ZFHX3: variants seen among roughly 807,000 people sequenced by gnomAD.
ZFHX3 encodes the protein zinc finger homeobox 3.
A neutral mutation model predicts 279.1 loss-of-function variants in ZFHX3; 42 were observed. That is an observed-to-expected ratio of 0.15 (90% confidence interval 0.12 to 0.19). The LOEUF (loss-of-function observed/expected upper bound fraction) is 0.19. Ranked by LOEUF, ZFHX3 falls within the 10% of genes least tolerant of loss-of-function variation. ZFHX3 has a pLI of 1.00. For missense variants in ZFHX3, 4,981 were observed against 4,754.0 expected (o/e 1.05, Z -1.40); for synonymous variants, 2,293 against 1,957.8 (o/e 1.17, Z -4.52).
At chr16:73,178,686 C>T (rs1383943145) in intron 5 of ZFHX3, among the ~76,000 whole-genome samples, 2 of 152,182 alleles carry the variant, frequency 1.3e-5, no homozygotes, top group East Asian at 3.9e-4. Flanking sequence ...CCAGGTCTCA[C>T]TATGTTGCCC....
chr16:73,239,142 T>C (rs1479935044), intron 5 of ZFHX3, among the ~76,000 whole-genome samples: 1 of 152,220 alleles, frequency 6.6e-6, no homozygotes, highest in African/African-American at 2.4e-5. Flanking sequence ...ACTATTTTTA[T>C]TCCAAGTATC....
At chr16:72,864,832 G>C (rs2037974078) in intron 4 of ZFHX3, among the ~76,000 whole-genome samples, 2 of 152,218 alleles carry the variant, frequency 1.3e-5, no homozygotes, top group African/African-American at 4.8e-5. Context: ...AGATGTTAGA[G>C]TTTTGAAGAT....
At chr16:73,452,613 G>A (rs2018296397) in intron 3 of ZFHX3, among the ~76,000 whole-genome samples, 1 of 152,162 alleles carries the variant, frequency 6.6e-6, no homozygotes, top group African/African-American at 2.4e-5. Context: ...AGAATTTCTT[G>A]CAAATGGTGA....
At chr16:73,673,275 C>T (rs1056226753) in intron 2 of ZFHX3, among the ~76,000 whole-genome samples, 2 of 152,080 alleles carry the variant, frequency 1.3e-5, no homozygotes, top group African/African-American at 4.8e-5. Flanking sequence ...AATTTTCCTA[C>T]TTTTAAGCTG....
chr16:73,294,825 C>A (rs1292237466), intron 4 of ZFHX3, among the ~76,000 whole-genome samples: 4 of 144,222 alleles, frequency 2.8e-5, no homozygotes, highest in African/African-American at 7.8e-5. Flanking sequence ...AAAAAAAAAA[C>A]CAAAAAACAA....
intron 6 of ZFHX3, chr16:73,143,679 G>A (rs903993148): frequency 2.6e-4 from 292 of 1,121,574 alleles, no homozygotes; most frequent in Middle Eastern, 4.6e-4. Context: ...TGGCTGGTTA[G>A]TCTTTTTTGA....
At chr16:73,625,832 CT>C (rs1357025722) in intron 2 of ZFHX3, among the ~76,000 whole-genome samples, 1 of 152,136 alleles carries the variant, frequency 6.6e-6, no homozygotes, top group Non-Finnish European at 1.5e-5. Context: ...TGCCTGTCCT[CT>C]GTGAAATAAA....
intron 1 of ZFHX3, among the ~76,000 whole-genome samples, chr16:73,018,068 C>G (rs1023848107): frequency 6.6e-6 from 1 of 151,896 alleles, no homozygotes; most frequent in Non-Finnish European, 1.5e-5. Context: ...TCACTGCAGC[C>G]TCAATTTCCC....
chr16:73,697,661 G>A (rs1273438983), intron 1 of ZFHX3, among the ~76,000 whole-genome samples: 1 of 152,058 alleles, frequency 6.6e-6, no homozygotes, highest in Non-Finnish European at 1.5e-5. Flanking sequence ...TCCTGACCTG[G>A]ATATGTGCTA....
intron 8 of ZFHX3, among the ~76,000 whole-genome samples, chr16:73,073,685 G>A (rs1431476572): frequency 6.6e-6 from 1 of 152,092 alleles, no homozygotes; most frequent in African/African-American, 2.4e-5. Flanking sequence ...TTTTAGTAAA[G>A]ACAGGGTTTC....
chr16:73,228,817 C>T (rs575725178), intron 5 of ZFHX3, among the ~76,000 whole-genome samples: 1 of 152,238 alleles, frequency 6.6e-6, no homozygotes, highest in African/African-American at 2.4e-5. Context: ...TCTCATTTCT[C>T]ATGACAATGG....
chr16:73,651,538 A>G (rs2052670135), intron 2 of ZFHX3, among the ~76,000 whole-genome samples: 1 of 151,906 alleles, frequency 6.6e-6, no homozygotes, highest in Non-Finnish European at 1.5e-5. Context: ...GAACAGTAAT[A>G]ATATAATAAA....
chr16:73,202,844 C>G (rs1362040845), intron 5 of ZFHX3, among the ~76,000 whole-genome samples: 2 of 151,940 alleles, frequency 1.3e-5, no homozygotes, highest in Non-Finnish European at 2.9e-5. Context: ...GTGCTTTTAT[C>G]CCCAGCCCTC....
chr16:73,056,897 A>T (rs982574309), intron 1 of ZFHX3, among the ~76,000 whole-genome samples: 22 of 152,244 alleles, frequency 1.4e-4, no homozygotes, highest in Admixed American at 9.8e-4. Context: ...GTAATTTTTT[A>T]AAAAACATAA....
In ZFHX3 at chr16:72,796,442, C is replaced by A. The variant is rs775774723; in HGVS notation, c.6240G>T (p.Gln2080His). ...AGAGCTGGGTGAGCGGCACTGATGG[C>A]TGGGCCGGTGCAATTGTAGGTGAGG... ...PITSPTIAPAQPSVPLTQLSM... is the reference protein window; with the variant it reads ...PITSPTIAPAHPSVPLTQLSM... The change falls in exon 9 of 10, where the codon CAG becomes CAT. Residue 2080 changes from glutamine (Q) to histidine (H), a missense_variant. This residue lies in a region of ZFHX3 where 1,751 missense variants were observed against 1,770.0 expected (regional missense o/e 0.99). Coordinates refer to ENST00000268489, the MANE Select transcript of ZFHX3 (RefSeq NM_006885.4). The A allele has an allele frequency of 6.2e-7, 1 of 1,608,288 alleles. No individual in the cohort carries two copies. The highest frequency in any genetic ancestry group is 8.5e-7 in the Non-Finnish European group (1 of 1,179,390).
Position 73,128,746 on chromosome 16 carries a change from C to T in ZFHX3, c.-897+2222G>A, listed in dbSNP as rs370394980. ...TGATCCTGTCTGAAACATCCTTCTCCGCTTGTTCCCCAAATCCTGGTTGTT... is the reference window on the plus strand; with the variant it reads ...TGATCCTGTCTGAAACATCCTTCTCTGCTTGTTCCCCAAATCCTGGTTGTT... On this transcript the variant is annotated intron_variant, in intron 7 of 17. Coordinates refer to the ZFHX3 transcript ENST00000641206. Among the ~76,000 whole-genome samples, 11 of 152,286 alleles carry T rather than the reference C, an allele frequency of 7.2e-5. No homozygotes were observed. In the South Asian group the frequency reaches 1.2e-3, roughly 17 times the overall value.
intron 1 of ZFHX3, among the ~76,000 whole-genome samples, chr16:73,709,013 G>A (rs771409213): frequency 3.3e-5 from 5 of 152,092 alleles, no homozygotes; most frequent in African/African-American, 4.8e-5. Flanking sequence ...TCTGTAAAGC[G>A]GCATATTTTG....
intron 1 of ZFHX3, among the ~76,000 whole-genome samples, chr16:73,757,332 A>G (rs1030486154): frequency 6.6e-6 from 1 of 152,164 alleles, no homozygotes; most frequent in African/African-American, 2.4e-5. Context: ...CTGCAATACC[A>G]CTACCCATTA....
intron 7 of ZFHX3, chr16:73,127,630 A>T (rs1304392265): frequency 7.9e-7 from 1 of 1,265,024 alleles, no homozygotes; most frequent in Admixed American, 2.8e-5. Context: ...AACAGGGTGC[A>T]GACTGGATGT....
Sources: gnomAD v4.1 joint callset for allele counts (sites outside exome capture counted in the v4.1 genomes callset) on GRCh38, gnomAD v4.1.1 for gene constraint, gnomAD v4.1.1 regional missense constraint, MANE v1.5 for transcripts, NCBI Gene and HGNC (gene_info 2026-07-23, HGNC 2026-07-21) for gene names.